ATRNL1: variants seen among roughly 807,000 people sequenced by gnomAD.
ATRNL1 encodes the protein attractin like 1, also known as attractin-like protein 1.
In ATRNL1, 95 loss-of-function variants were observed where a neutral mutation model predicts 182.7. The ratio of observed to expected loss-of-function variants is 0.52; its 90% CI spans 0.44 to 0.62. The LOEUF is 0.62. Among genes scored for constraint, ATRNL1 ranks in the 20% least tolerant of loss-of-function variants. The pLI is 0.00. For synonymous variants in ATRNL1, 576 were observed against 568.3 expected (o/e 1.01, Z -0.19); for missense variants, 1,471 against 1,679.5 (o/e 0.88, Z 2.17).
intron 5 of ATRNL1, among the ~76,000 whole-genome samples, chr10:115,137,668 A>G (rs183305537): frequency 4.6e-5 from 7 of 152,300 alleles, no homozygotes; most frequent in African/African-American, 1.7e-4. Context: ...AGCAAGGGAA[A>G]GACCTGCCCC....
At chr10:115,491,593 C>T (rs907160530) in intron 24 of ATRNL1, among the ~76,000 whole-genome samples, 1 of 152,182 alleles carries the variant, frequency 6.6e-6, no homozygotes, top group African/African-American at 2.4e-5. Context: ...GGACGCCACT[C>T]CCCCCACCAA....
At chr10:115,515,260 T>C (rs1409204872) in intron 24 of ATRNL1, among the ~76,000 whole-genome samples, 3 of 151,768 alleles carry the variant, frequency 2.0e-5, no homozygotes, top group Admixed American at 1.3e-4. Flanking sequence ...TACCAGTTTA[T>C]GTTTTGACAT....
chr10:115,377,435 G>A (rs894673906), intron 19 of ATRNL1, among the ~76,000 whole-genome samples: 1 of 152,078 alleles, frequency 6.6e-6, no homozygotes, highest in Non-Finnish European at 1.5e-5. Context: ...GCAGTCTTGG[G>A]TATGTCTTTA....
At chr10:115,557,847 C>G (rs904409768) in intron 26 of ATRNL1, among the ~76,000 whole-genome samples, 1 of 152,030 alleles carries the variant, frequency 6.6e-6, no homozygotes, top group Non-Finnish European at 1.5e-5. Flanking sequence ...GAGATCGAGA[C>G]CATCCTGGCG....
At chr10:115,532,475 T>C (rs1157195748) in intron 25 of ATRNL1, among the ~76,000 whole-genome samples, 2 of 152,212 alleles carry the variant, frequency 1.3e-5, no homozygotes, top group Non-Finnish European at 2.9e-5. Flanking sequence ...ACATTGATTT[T>C]GTATCCTGAG....
intron 9 of ATRNL1, among the ~76,000 whole-genome samples, chr10:115,218,422 G>C (rs1849313855): frequency 1.3e-5 from 2 of 152,168 alleles, no homozygotes; most frequent in African/African-American, 4.8e-5. Flanking sequence ...TAAGGCTACT[G>C]TCATTTGCGA....
intron 28 of ATRNL1, among the ~76,000 whole-genome samples, chr10:115,860,884 C>A (rs1282877349): frequency 5.9e-5 from 9 of 152,184 alleles, no homozygotes; most frequent in Admixed American, 2.0e-4. Flanking sequence ...TGGTAGAAGG[C>A]AGTTTTGAAA....
chr10:115,239,994 G>A (rs1392610509), intron 9 of ATRNL1, among the ~76,000 whole-genome samples: 1 of 152,126 alleles, frequency 6.6e-6, no homozygotes, highest in Non-Finnish European at 1.5e-5. Flanking sequence ...CTTGCCTGGG[G>A]TAGAATTTCT....
intron 19 of ATRNL1, among the ~76,000 whole-genome samples, chr10:115,380,373 A>G (rs1857930013): frequency 6.6e-6 from 1 of 152,210 alleles, no homozygotes; most frequent in South Asian, 2.1e-4. Flanking sequence ...TAATTCATAC[A>G]TTTAAAAAAT....
At chr10:115,894,669 C>T (rs75532156) in intron 28 of ATRNL1, among the ~76,000 whole-genome samples, 2,237 of 152,254 alleles carry the variant, frequency 0.015, 46 homozygotes, top group African/African-American at 0.05. Context: ...GCAGCAAAAT[C>T]GCGGGGTGTC....
chr10:115,239,602 G>A (rs1364874494), intron 9 of ATRNL1, among the ~76,000 whole-genome samples: 3 of 152,094 alleles, frequency 2.0e-5, no homozygotes, highest in African/African-American at 7.2e-5. Flanking sequence ...TGGAGTTGCA[G>A]GTGGGTGGGC....
intron 19 of ATRNL1, among the ~76,000 whole-genome samples, chr10:115,343,931 A>G (rs1392846366): frequency 6.6e-6 from 1 of 152,202 alleles, no homozygotes; most frequent in Non-Finnish European, 1.5e-5. Flanking sequence ...AGAATTCTGG[A>G]TTACCAGGCA....
At chr10:115,540,526 C>T (rs1356091723) in intron 25 of ATRNL1, among the ~76,000 whole-genome samples, 1 of 152,048 alleles carries the variant, frequency 6.6e-6, no homozygotes, top group Non-Finnish European at 1.5e-5. Flanking sequence ...CTTTGGGAGG[C>T]TGAGGCAGGT....
intron 8 of ATRNL1, among the ~76,000 whole-genome samples, chr10:115,179,866 T>C (rs782177656): frequency 2.5e-4 from 38 of 152,168 alleles, no homozygotes; most frequent in Admixed American, 3.3e-4. Context: ...TTTCTCTTAA[T>C]GTGAAAGATT....
At position 115,241,527 on chromosome 10, in the gene ATRNL1, G is replaced by C. The variant is rs782046058; in HGVS notation, c.1533-44G>C. 11 of 1,378,010 alleles carry C rather than the reference G, an allele frequency of 8.0e-6. No homozygotes were observed. The African/African-American group carries it at 1.4e-4, about 18-fold the overall frequency. The allele number at this position is 1,378,010 out of a possible 1,614,324, so 85.4% of individuals were successfully genotyped here. On this transcript the variant is annotated intron_variant, in intron 9 of 28. Transcript: ENST00000355044. Reference sequence around the variant, plus strand: ...ATATAACATATATAAAATCAGGGAGGTCATTTTATCCTTTGTAATACATTT... The same window carrying C: ...ATATAACATATATAAAATCAGGGAGCTCATTTTATCCTTTGTAATACATTT...
chr10:115,733,651 C>T (rs953750923), intron 27 of ATRNL1, among the ~76,000 whole-genome samples: 5 of 152,170 alleles, frequency 3.3e-5, no homozygotes, highest in Non-Finnish European at 5.9e-5. Context: ...GCCAGTGGTC[C>T]CCCTGGTTCC....
chr10:115,812,593 C>G (rs1251095974), intron 27 of ATRNL1, among the ~76,000 whole-genome samples: 1 of 152,150 alleles, frequency 6.6e-6, no homozygotes, highest in African/African-American at 2.4e-5. Context: ...TCTCCTGCCT[C>G]AGCCTCCCAA....
intron 26 of ATRNL1, among the ~76,000 whole-genome samples, chr10:115,671,658 G>A (rs1945700401): frequency 6.6e-6 from 1 of 152,074 alleles, no homozygotes; most frequent in East Asian, 1.9e-4. Context: ...TAGAATTTGT[G>A]GGGTAGGTGA....
At chr10:115,175,886 C>T (rs1269241475) in intron 8 of ATRNL1, among the ~76,000 whole-genome samples, 4 of 152,164 alleles carry the variant, frequency 2.6e-5, no homozygotes, top group African/African-American at 9.7e-5. Flanking sequence ...ATTCACCACA[C>T]TGTCTTCCAC....
Sources: allele counts gnomAD v4.1 joint callset (sites outside exome capture counted in the v4.1 genomes callset), GRCh38; gene constraint gnomAD v4.1.1; transcripts MANE v1.5; gene names NCBI Gene and HGNC (gene_info 2026-07-23, HGNC 2026-07-21).